The following PHF8 variants were observed in gnomAD, a reference collection of about 807,000 sequenced individuals.
PHF8 encodes histone lysine demethylase PHF8.
PHF8 carries 9 observed loss-of-function variants against 74.4 expected under a neutral mutation model. The observed-to-expected ratio is 0.12, with a 90% CI of 0.07 to 0.21. The LOEUF is 0.21. PHF8 is among the 10% of genes least tolerant of loss of function. The pLI is 1.00. For missense variants in PHF8, 478 were observed against 816.6 expected, an observed-to-expected ratio of 0.59 and a Z score of 5.05; for synonymous variants, 311 against 316.6, an observed-to-expected ratio of 0.98 and a Z score of 0.19.
chrX:53,955,090 A>G (rs1306791375), intron 19 of PHF8, among the ~76,000 whole-genome samples: 3 of 111,430 alleles, frequency 2.7e-5, no homozygotes, highest in Admixed American at 9.6e-5. Flanking sequence ...TCAGTACATT[A>G]TGGTTATTAC....
intron 14 of PHF8, among the ~76,000 whole-genome samples, chrX:53,989,291 A>G (rs1430758455): frequency 9.0e-6 from 1 of 111,534 alleles, no homozygotes; most frequent in East Asian, 2.8e-4. Context: ...AACACATACA[A>G]TGAGTTACCA....
At chrX:54,039,425 T>G (rs1303566346) in intron 2 of PHF8, among the ~76,000 whole-genome samples, 1 of 111,594 alleles carries the variant, frequency 9.0e-6, no homozygotes, top group Non-Finnish European at 1.9e-5. Context: ...CAAAAGAGAT[T>G]TTTAAAATTT....
At chrX:54,016,164 C>T (rs1394762058) in intron 6 of PHF8, among the ~76,000 whole-genome samples, 3 of 111,647 alleles carry the variant, frequency 2.7e-5, no homozygotes, top group Non-Finnish European at 3.8e-5. Context: ...TAACCCAGCT[C>T]GCCATCCCAA....
At chrX:53,963,305 T>C (rs1399435168) in intron 18 of PHF8, among the ~76,000 whole-genome samples, 1 of 111,924 alleles carries the variant, frequency 8.9e-6, no homozygotes, top group African/African-American at 3.2e-5. Flanking sequence ...TGGCTCTCCA[T>C]AGCTTCCTGT....
At position 54,017,653 on chromosome X, in the gene PHF8, T is replaced by G. The variant is rs782800460; in HGVS notation, c.454+8A>C. 2 of 1,191,313 alleles carry G rather than the reference T, an allele frequency of 1.7e-6. No individual in the cohort carries two copies. The highest frequency in any genetic ancestry group is 3.0e-5 in the East Asian group (1 of 33,716). On this transcript the variant is annotated splice_region_variant and intron_variant, in intron 5 of 21. Transcript: ENST00000338154. ...ATGTTACAGTTAAAAGGGTCTGTAG[T>G]GTCTTACCAACATAGTGTTCAACAT...
chrX:53,947,165 C>A (rs782755795), intron 19 of PHF8, among the ~76,000 whole-genome samples: 1 of 111,271 alleles, frequency 9.0e-6, no homozygotes, highest in South Asian at 3.8e-4. Flanking sequence ...GCATGCAACA[C>A]CATGCCCGGC....
chrX:54,039,979 T>C (rs782487807), intron 2 of PHF8: 3 of 112,751 alleles, frequency 2.7e-5, no homozygotes, highest in Admixed American at 9.4e-5. Context: ...AACAACAAAT[T>C]TAACAGTGGA....
At chrX:53,983,554 T>C (rs1457713897) in intron 18 of PHF8, among the ~76,000 whole-genome samples, 1 of 112,051 alleles carries the variant, frequency 8.9e-6, no homozygotes, top group African/African-American at 3.2e-5. Flanking sequence ...ACACTGATCA[T>C]GTACTGGCCC....
chrX:53,939,769 T>C (rs781888245), intron 21 of PHF8, among the ~76,000 whole-genome samples: 1 of 110,671 alleles, frequency 9.0e-6, no homozygotes, highest in South Asian at 3.9e-4. Context: ...AAGGCTTCAG[T>C]CCTCTAACTC....
At chrX:54,022,517 C>T (rs1177877895) in intron 3 of PHF8, 150 bp from the exon 4 acceptor site, 4 of 524,021 alleles carry the variant, frequency 7.6e-6, no homozygotes, top group Middle Eastern at 3.2e-4. Context: ...CAGGAAAGTT[C>T]CTGGTGAAGA....
intron 18 of PHF8, among the ~76,000 whole-genome samples, chrX:53,965,909 GA>G (rs1395541856): frequency 1.9e-3 from 207 of 107,285 alleles, no homozygotes; most frequent in African/African-American, 6.5e-3. Context: ...ATTTACGGGG[GA>G]AAAAAAAAGA....
At chrX:53,967,258 G>C (rs1557093145) in intron 18 of PHF8, among the ~76,000 whole-genome samples, 1 of 106,650 alleles carries the variant, frequency 9.4e-6, no homozygotes. Flanking sequence ...CCCCGTCCGG[G>C]AGGGAGGTGG....
intron 6 of PHF8, among the ~76,000 whole-genome samples, chrX:54,014,829 C>T (rs1287311700): frequency 2.7e-5 from 3 of 111,615 alleles, no homozygotes; most frequent in East Asian, 2.8e-4. Flanking sequence ...AATGCTCATA[C>T]TCCCCAGCCC....
chrX:53,980,346 T>TAAG (rs1297548954), intron 18 of PHF8, among the ~76,000 whole-genome samples: 1 of 110,902 alleles, frequency 9.0e-6, no homozygotes, highest in Non-Finnish European at 1.9e-5. Context: ...GGTGGTCTTA[T>TAAG]AAGAGGTGGT....
chrX:54,032,357 C>T (rs1003347573), intron 2 of PHF8, among the ~76,000 whole-genome samples: 10 of 110,780 alleles, frequency 9.0e-5, no homozygotes, highest in African/African-American at 3.3e-4. Flanking sequence ...CTGCACACCC[C>T]TGACCCTTAA....
At chrX:54,026,124 C>G (rs1023099597) in intron 2 of PHF8, among the ~76,000 whole-genome samples, 2 of 111,235 alleles carry the variant, frequency 1.8e-5, no homozygotes, top group African/African-American at 3.3e-5. Context: ...GAGGCTGAGG[C>G]GGGTGGATCA....
chrX:54,016,814 A>G (rs1323841446), intron 5 of PHF8, 78 bp from the exon 6 acceptor site: 1 of 794,500 alleles, frequency 1.3e-6, no homozygotes, highest in African/African-American at 2.0e-5. Context: ...ATCAGTCCCT[A>G]GAATGGCCTT....
chrX:53,938,904 G>T lies in PHF8; in HGVS notation c.*254C>A. ...AGTGGTTTGGACGAGTAGAAAAGAG[G>T]GTTCTAGTCAGCTGGAAACCTCTCC... On this transcript the variant is annotated 3_prime_UTR_variant, in exon 22 of 22. Transcript: ENST00000338154. 2 of 943,559 alleles carry T rather than the reference G, an allele frequency of 2.1e-6. No homozygotes were observed. Among genetic ancestry groups the T allele is most frequent in the Non-Finnish European group, 2.6e-6 (2 of 757,987 alleles). The allele number at this position is 943,559 out of a possible 1,213,427, so 77.8% of individuals were successfully genotyped here.
intron 1 of PHF8, 34 bp from the exon 2 acceptor site, chrX:54,042,854 C>G: frequency 9.8e-7 from 1 of 1,021,701 alleles, no homozygotes; most frequent in Non-Finnish European, 1.3e-6. Context: ...CAGAGTGAAT[C>G]AGCCCCCGCC....
Sources: allele counts gnomAD v4.1 joint callset (sites outside exome capture counted in the v4.1 genomes callset), GRCh38; gene constraint gnomAD v4.1.1; transcripts MANE v1.5; gene names NCBI Gene and HGNC (gene_info 2026-07-23, HGNC 2026-07-21).